Variants in REV3L observed in about 807,000 individuals in gnomAD.
REV3L encodes the protein DNA polymerase zeta catalytic subunit.
A neutral mutation model predicts 299.4 loss-of-function variants in REV3L; 69 were observed. That is an observed-to-expected ratio of 0.23 (90% CI 0.19 to 0.28). The LOEUF is 0.28. Ranked by LOEUF, REV3L falls within the 10% of genes least tolerant of loss-of-function variation. The pLI, the probability that REV3L is intolerant of heterozygous loss-of-function variation, is 1.00. For missense variants in REV3L, 3,128 were observed against 3,693.8 expected, an observed-to-expected ratio of 0.85 and a Z score of 3.97; for synonymous variants, 1,238 against 1,271.4, an observed-to-expected ratio of 0.97 and a Z score of 0.56.
At chr6:111,454,948 G>A (rs777032529) in intron 1 of REV3L, among the ~76,000 whole-genome samples, 3 of 152,186 alleles carry the variant, frequency 2.0e-5, no homozygotes, top group Admixed American at 6.5e-5. Context: ...TTACAGGCAT[G>A]AGCCACCGCG....
In REV3L at chr6:111,307,545, C is replaced by T. The variant is rs765471595; in HGVS notation, c.9068G>A (p.Arg3023Gln). The change falls in exon 31 of 32, where the codon CGA becomes CAA. Residue 3023 changes from arginine (R) to glutamine (Q), a missense_variant. Around this residue, in one of 9 missense-constraint regions of REV3L, gnomAD observed 294 missense variants for 377.0 expected, o/e 0.78. Coordinates refer to ENST00000368802, the MANE Select transcript of REV3L (RefSeq NM_001372078.1). The stretch of plus-strand genomic sequence containing the variant: ...GCCTTTCCGCCCTTCAGGTTCACTT[C>T]GCGAGGAGCTGGTAGCTTTATGGAT... ...PRIHKATSSS[R>Q]SEPEGRKGTI... The T allele has an allele frequency of 1.4e-5, 22 of 1,614,046 alleles. No homozygotes were observed. Among genetic ancestry groups the T allele is most frequent in the East Asian group, 8.9e-5 (4 of 44,888 alleles).
chr6:111,410,362 G>C (rs1784120635), intron 3 of REV3L, among the ~76,000 whole-genome samples: 1 of 152,194 alleles, frequency 6.6e-6, no homozygotes. Flanking sequence ...GAAAAAAATT[G>C]ATTGTATTTA....
chr6:111,304,662 T>C (rs899941781), intron 31 of REV3L, among the ~76,000 whole-genome samples: 2 of 150,886 alleles, frequency 1.3e-5, no homozygotes, highest in Admixed American at 6.6e-5. Flanking sequence ...GTTTGTTACA[T>C]GGGTATACTG....
At chr6:111,394,624 A>G (rs1782284994) in intron 4 of REV3L, among the ~76,000 whole-genome samples, 2 of 150,810 alleles carry the variant, frequency 1.3e-5, no homozygotes, top group African/African-American at 4.9e-5. Flanking sequence ...CCTTTTGTCT[A>G]TATGCTTTGG....
chr6:111,455,078 T>A (rs1024921792), intron 1 of REV3L, among the ~76,000 whole-genome samples: 2 of 152,196 alleles, frequency 1.3e-5, no homozygotes, highest in African/African-American at 4.8e-5. Context: ...AAGTCAGACA[T>A]GTTAAAAACA....
intron 26 of REV3L, 35 bp downstream of exon 26, chr6:111,322,534 T>G: frequency 6.8e-7 from 1 of 1,465,176 alleles, no homozygotes; most frequent in Non-Finnish European, 9.6e-7. Flanking sequence ...TCTAGAGAGA[T>G]GCAAAAGACA....
At position 111,336,218 on chromosome 6, in the gene REV3L, T is replaced by G. The variant is rs561584336; in HGVS notation, c.7539-608A>C. 2.2e-3 allele frequency among the ~76,000 whole-genome samples: 331 copies of G among 152,076 alleles called. 1 individual carries two copies. The highest frequency in any genetic ancestry group is 7.5e-3 in the African/African-American group (312 of 41,544). On this transcript the variant is annotated intron_variant, in intron 21 of 31. Transcript: ENST00000368802. ...AAACCTTAAATTTAACCTCTTTACC[T>G]TACCTTCTTAAGAAAACAAACAATA...
At chr6:111,478,523 CAG>C (rs1225328893) in intron 1 of REV3L, among the ~76,000 whole-genome samples, 1 of 151,286 alleles carries the variant, frequency 6.6e-6, no homozygotes, top group Non-Finnish European at 1.5e-5. Context: ...TAGTAAAAAA[CAG>C]ACTATGAACA....
At chr6:111,455,488 A>T (rs1278110189) in intron 1 of REV3L, among the ~76,000 whole-genome samples, 1 of 152,182 alleles carries the variant, frequency 6.6e-6, no homozygotes, top group Non-Finnish European at 1.5e-5. Flanking sequence ...AAAAAACTTT[A>T]TGTTGTCTAG....
chr6:111,370,413 G>A (rs907911610), intron 13 of REV3L, among the ~76,000 whole-genome samples: 2 of 152,112 alleles, frequency 1.3e-5, no homozygotes, highest in African/African-American at 4.8e-5. Flanking sequence ...GGGCTGGGAG[G>A]TGGACATTTC....
At chr6:111,422,589 TATATACAC>T (rs200966522) in intron 1 of REV3L, among the ~76,000 whole-genome samples, 2 of 29,088 alleles carry the variant, frequency 6.9e-5, no homozygotes, top group African/African-American at 9.1e-5. Flanking sequence ...CATATATATA[TATATACAC>T]ATATATATAT....
intron 29 of REV3L, chr6:111,310,666 T>C (rs920556160): frequency 3.1e-5 from 5 of 159,080 alleles, no homozygotes; most frequent in African/African-American, 7.2e-5. Context: ...AAAAGATGTA[T>C]TTTATCCCCT....
chr6:111,410,805 C>G (rs1784164070), intron 3 of REV3L, among the ~76,000 whole-genome samples: 1 of 152,018 alleles, frequency 6.6e-6, no homozygotes, highest in African/African-American at 2.4e-5. Flanking sequence ...TTTTTGGAAC[C>G]CAGTACCTAC....
At chr6:111,423,666 C>T (rs190337398) in intron 1 of REV3L, among the ~76,000 whole-genome samples, 246 of 152,154 alleles carry the variant, frequency 1.6e-3, no homozygotes, top group African/African-American at 5.5e-3. Context: ...AGCAACAGAA[C>T]TACAGAAAGG....
chr6:111,313,557 G>A lies in REV3L; in HGVS notation c.8467-68C>T, dbSNP rs3218609. 2,682 of 1,439,772 alleles carry A rather than the reference G, an allele frequency of 1.9e-3. 38 individuals are homozygous for A. The African/African-American group carries it at 0.034, about 18-fold the overall frequency. 89.2% of individuals were successfully genotyped at this position (1,439,772 alleles called of 1,614,324 possible). ...CCCACCAAGAATGTTTTATTTTTAT[G>A]TCTTTGTGCTTTCTTTAATCAAGTA... is the stretch of plus-strand genomic sequence containing the variant. On this transcript the variant is annotated intron_variant, in intron 27 of 31. Transcript: ENST00000368802.
chr6:111,330,389 A>G (rs1775260180), intron 24 of REV3L: 1 of 420,766 alleles, frequency 2.4e-6, no homozygotes. Context: ...CATCAAGACT[A>G]GGGAGAATTT....
rs1780816831 is a variant in REV3L, at chr6:111,381,411, A to G, written c.1130T>C (p.Ile377Thr). 6 of 1,613,358 alleles carry G rather than the reference A, an allele frequency of 3.7e-6. No homozygotes were observed. Among genetic ancestry groups the G allele is most frequent in the East Asian group, 4.5e-5 (2 of 44,776 alleles). The change falls in exon 10 of 32, where the codon ATT becomes ACT. Residue 377 changes from isoleucine (I) to threonine (T), a missense_variant. Physicochemically the swap from Ile to Thr is moderately conservative, Grantham distance 89. Coordinates refer to ENST00000368802, the MANE Select transcript of REV3L (RefSeq NM_001372078.1). ...AAGGTTCAAAATTGCTTCTTCATTAATAAGAGCTTCTTCCACTTTGTGTCT... is the reference window on the plus strand; with the variant it reads ...AAGGTTCAAAATTGCTTCTTCATTAGTAAGAGCTTCTTCCACTTTGTGTCT... ...HTRHKVEEALINEEAILNLME... is the reference protein window; with the variant it reads ...HTRHKVEEALTNEEAILNLME...
Position 111,435,347 on chromosome 6 carries a change from T to C in REV3L, c.140-18875A>G, listed in dbSNP as rs183561372. Among the ~76,000 whole-genome samples, 17 of 152,256 alleles carry C rather than the reference T, an allele frequency of 1.1e-4. No individual in the cohort carries two copies. In the East Asian group the frequency reaches 3.1e-3, roughly 28 times the overall value. ...GTATGGAACCATAAAAGACCCTGAA[T>C]AGCCAAATCAATCTTGAGCAAAAAG... On this transcript the variant is annotated intron_variant, in intron 1 of 31. Transcript: ENST00000368802.
chr6:111,332,571 C>G (rs1002900673), intron 23 of REV3L, among the ~76,000 whole-genome samples: 1 of 151,644 alleles, frequency 6.6e-6, no homozygotes, highest in East Asian at 1.9e-4. Context: ...ATACTAAAAC[C>G]AACACATGAT....
Sources: gnomAD v4.1 joint callset for allele counts (sites outside exome capture counted in the v4.1 genomes callset) on GRCh38, gnomAD v4.1.1 for gene constraint, gnomAD v4.1.1 regional missense constraint, MANE v1.5 for transcripts, NCBI Gene and HGNC (gene_info 2026-07-23, HGNC 2026-07-21) for gene names.